CBFB: variants seen among roughly 807,000 people sequenced by gnomAD.
The protein encoded by CBFB is core-binding factor subunit beta, also known as CBF-beta.
Under a neutral mutation model 30.4 loss-of-function variants are expected in CBFB, and 9 were observed. That is an observed-to-expected ratio of 0.30 (90% CI 0.18 to 0.52). CBFB has a LOEUF of 0.52. Ranked by LOEUF, CBFB falls within the 20% of genes least tolerant of loss-of-function variation. The probability of loss-of-function intolerance (pLI) is 0.97; values close to 1 mark genes in which losing one functional copy is unlikely to be tolerated. For missense variants in CBFB, 170 were observed against 244.0 expected (o/e 0.70, Z 2.02); for synonymous variants, 94 against 84.0 (o/e 1.12, Z -0.65).
chr16:67,041,971 C>T (rs1161129761), intron 3 of CBFB, among the ~76,000 whole-genome samples: 25 of 150,620 alleles, frequency 1.7e-4, no homozygotes, highest in Non-Finnish European at 5.9e-5. Flanking sequence ...ACAGTGGCGC[C>T]GTCATGGCTC....
chr16:67,031,864 G>A (rs888586776), intron 2 of CBFB, among the ~76,000 whole-genome samples: 4 of 151,524 alleles, frequency 2.6e-5, no homozygotes, highest in Non-Finnish European at 5.9e-5. Context: ...GGCCTAGGCT[G>A]GGGTGCAGTG....
intron 3 of CBFB, among the ~76,000 whole-genome samples, chr16:67,046,041 C>T (rs1190259484): frequency 6.7e-6 from 1 of 149,872 alleles, no homozygotes; most frequent in Non-Finnish European, 1.5e-5. Context: ...GGTGATCCGC[C>T]TGTCTTGGCC....
chr16:67,084,196 T>C (rs1961652382), intron 5 of CBFB, among the ~76,000 whole-genome samples: 1 of 140,288 alleles, frequency 7.1e-6, no homozygotes, highest in Non-Finnish European at 1.5e-5. Flanking sequence ...AAAAGTATAT[T>C]CTAGCAAAAA....
chr16:67,044,128 A>G (rs1225930567), intron 3 of CBFB, among the ~76,000 whole-genome samples: 2 of 152,336 alleles, frequency 1.3e-5, no homozygotes, highest in African/African-American at 2.4e-5. Context: ...TTGACCATAA[A>G]TTATTAGTCT....
intron 3 of CBFB, among the ~76,000 whole-genome samples, chr16:67,053,395 G>A (rs1217508766): frequency 4.0e-5 from 6 of 151,132 alleles, no homozygotes; most frequent in East Asian, 1.9e-4. Flanking sequence ...CTGGGACTAC[G>A]GGCCCCCTCA....
intron 3 of CBFB, among the ~76,000 whole-genome samples, chr16:67,051,869 C>T (rs1221513951): frequency 6.6e-6 from 1 of 150,380 alleles, no homozygotes; most frequent in Non-Finnish European, 1.5e-5. Context: ...CCTGCCTCAG[C>T]CTCCTGAGTA....
intron 4 of CBFB, among the ~76,000 whole-genome samples, chr16:67,068,872 G>C (rs1376434074): frequency 6.6e-6 from 1 of 152,164 alleles, no homozygotes; most frequent in Non-Finnish European, 1.5e-5. Context: ...TAATTAAGTA[G>C]AGTATATCAA....
chr16:67,066,355 C>T (rs1357903060), intron 3 of CBFB, among the ~76,000 whole-genome samples: 1 of 136,154 alleles, frequency 7.3e-6, no homozygotes, highest in Non-Finnish European at 1.5e-5. Flanking sequence ...CAGCACCAGC[C>T]TGGGCAACAT....
At chr16:67,092,019 C>T (rs1411030337) in intron 5 of CBFB, among the ~76,000 whole-genome samples, 1 of 152,098 alleles carries the variant, frequency 6.6e-6, no homozygotes. Flanking sequence ...GTTTTAAGCC[C>T]TGCATGCATT....
At chr16:67,043,436 C>G (rs370748244) in intron 3 of CBFB, among the ~76,000 whole-genome samples, 1 of 152,174 alleles carries the variant, frequency 6.6e-6, no homozygotes, top group African/African-American at 2.4e-5. Flanking sequence ...TAAGGAAGGT[C>G]TGTTAACGGG....
At chr16:67,067,747 A>G (rs1457165382) in intron 4 of CBFB, among the ~76,000 whole-genome samples, 3 of 152,190 alleles carry the variant, frequency 2.0e-5, no homozygotes, top group Non-Finnish European at 4.4e-5. Context: ...TTGGGAAAAA[A>G]AAAATCCATG....
chr16:67,074,571 C>T (rs565287843), intron 4 of CBFB, among the ~76,000 whole-genome samples: 15 of 151,986 alleles, frequency 9.9e-5, no homozygotes, highest in South Asian at 8.3e-4. Flanking sequence ...TTAGTAGAGA[C>T]GAGGTTTCAC....
At chr16:67,037,914 C>T (rs1966468783) in intron 3 of CBFB, among the ~76,000 whole-genome samples, 1 of 152,006 alleles carries the variant, frequency 6.6e-6, no homozygotes, top group Non-Finnish European at 1.5e-5. Flanking sequence ...TGTGATCCAC[C>T]TGCCTCTGCC....
At chr16:67,097,595 T>C (rs1291305504) in intron 5 of CBFB, among the ~76,000 whole-genome samples, 1 of 151,760 alleles carries the variant, frequency 6.6e-6, no homozygotes, top group Non-Finnish European at 1.5e-5. Context: ...CCCAGGACTC[T>C]AATTTTATAT....
At chr16:67,029,699 C>A in intron 1 of CBFB, 28 bp from the exon 2 acceptor site, 1 of 1,563,240 alleles carries the variant, frequency 6.4e-7, no homozygotes, top group Non-Finnish European at 8.7e-7. Flanking sequence ...GGATTTGGCT[C>A]CTGATTTCGG....
At chr16:67,095,578 G>C (rs991799487) in intron 5 of CBFB, among the ~76,000 whole-genome samples, 5 of 152,070 alleles carry the variant, frequency 3.3e-5, no homozygotes, top group African/African-American at 1.2e-4. Context: ...TACTTGGGAA[G>C]GTGAGGCAGG....
intron 5 of CBFB, among the ~76,000 whole-genome samples, chr16:67,091,875 T>C (rs1961892844): frequency 6.6e-6 from 1 of 152,150 alleles, no homozygotes; most frequent in African/African-American, 2.4e-5. Flanking sequence ...TTTGTTTGTT[T>C]GTTTGTTTGT....
chr16:67,073,860 A>G (rs925060130), intron 4 of CBFB, among the ~76,000 whole-genome samples: 5 of 151,770 alleles, frequency 3.3e-5, no homozygotes, highest in Non-Finnish European at 7.4e-5. Context: ...ACATGGTGAA[A>G]CCCGTCTCAA....
At chr16:67,037,601 T>C (rs373828486) in intron 3 of CBFB, among the ~76,000 whole-genome samples, 3 of 151,900 alleles carry the variant, frequency 2.0e-5, no homozygotes, top group African/African-American at 4.8e-5. Context: ...TACAAAAATA[T>C]AGGTAAAATG....
Sources: gnomAD v4.1 joint callset for allele counts (sites outside exome capture counted in the v4.1 genomes callset) on GRCh38, gnomAD v4.1.1 for gene constraint, MANE v1.5 for transcripts, NCBI Gene and HGNC (gene_info 2026-07-23, HGNC 2026-07-21) for gene names.